The following ITGA9 variants were observed in gnomAD, a reference collection of about 807,000 sequenced individuals.
ITGA9 encodes the protein integrin subunit alpha 9, also known as integrin alpha-9.
ITGA9 carries 56 observed loss-of-function variants against 127.8 expected under a neutral mutation model. The ratio of observed to expected loss-of-function variants is 0.44; its 90% CI spans 0.35 to 0.55. The LOEUF (loss-of-function observed/expected upper bound fraction) is 0.55, where lower values mean the gene tolerates loss of function less well. Ranked by LOEUF, ITGA9 falls within the 20% of genes least tolerant of loss-of-function variation. The pLI, the probability that ITGA9 is intolerant of heterozygous loss-of-function variation, is 0.00. For missense variants in ITGA9, 1,196 were observed against 1,347.1 expected (o/e 0.89, Z 1.76); for synonymous variants, 508 against 514.5 (o/e 0.99, Z 0.17).
At chr3:37,793,270 G>T (rs1289021069) in intron 26 of ITGA9, among the ~76,000 whole-genome samples, 1 of 152,002 alleles carries the variant, frequency 6.6e-6, no homozygotes, top group South Asian at 2.1e-4. Flanking sequence ...ATGGAAAGTT[G>T]TATTCTCAGA....
intron 1 of ITGA9, among the ~76,000 whole-genome samples, chr3:37,454,163 C>G (rs1016811243): frequency 2.0e-5 from 3 of 152,166 alleles, no homozygotes; most frequent in Non-Finnish European, 4.4e-5. Context: ...CCAAGCCAGC[C>G]GGAGCATTGT....
chr3:37,604,408 T>C (rs1699948261), intron 15 of ITGA9, among the ~76,000 whole-genome samples: 1 of 152,260 alleles, frequency 6.6e-6, no homozygotes, highest in Non-Finnish European at 1.5e-5. Flanking sequence ...AAGTGAATTT[T>C]AGAAGCCACA....
intron 15 of ITGA9, among the ~76,000 whole-genome samples, chr3:37,570,364 G>A (rs923652353): frequency 3.9e-5 from 6 of 152,198 alleles, no homozygotes; most frequent in Admixed American, 6.5e-5. Flanking sequence ...TAATGCCGTC[G>A]TTAACTGCAA....
intron 5 of ITGA9, among the ~76,000 whole-genome samples, chr3:37,500,747 C>T (rs1402325258): frequency 6.6e-6 from 1 of 152,220 alleles, no homozygotes; most frequent in Non-Finnish European, 1.5e-5. Flanking sequence ...GGGCTCGTCT[C>T]TGCAGAGGGA....
chr3:37,642,375 A>G (rs1700342087), intron 16 of ITGA9, among the ~76,000 whole-genome samples: 1 of 152,214 alleles, frequency 6.6e-6, no homozygotes, highest in South Asian at 2.1e-4. Flanking sequence ...TTTGCTATTG[A>G]TCCGCAACAC....
At chr3:37,669,117 C>T (rs1383878212) in intron 17 of ITGA9, among the ~76,000 whole-genome samples, 1 of 152,182 alleles carries the variant, frequency 6.6e-6, no homozygotes, top group Non-Finnish European at 1.5e-5. Flanking sequence ...GACTCCATTC[C>T]AGGTGATCTT....
intron 17 of ITGA9, among the ~76,000 whole-genome samples, chr3:37,662,649 T>A (rs538222807): frequency 6.6e-6 from 1 of 152,290 alleles, no homozygotes; most frequent in Admixed American, 6.5e-5. Context: ...ATGAGAGATG[T>A]TGTGCTGATT....
intron 18 of ITGA9, among the ~76,000 whole-genome samples, chr3:37,706,230 C>T (rs74342686): frequency 0.017 from 2,625 of 152,314 alleles, 73 homozygotes; most frequent in African/African-American, 0.059. Flanking sequence ...GCTGTCTCTT[C>T]AAGCTATCAA....
At chr3:37,815,488 A>T (rs1333538081) in intron 27 of ITGA9, among the ~76,000 whole-genome samples, 2 of 152,110 alleles carry the variant, frequency 1.3e-5, no homozygotes, top group African/African-American at 2.4e-5. Flanking sequence ...ACACGCCTGC[A>T]GTCCCAGCTA....
At chr3:37,585,708 C>A in intron 15 of ITGA9, 1 of 498,836 alleles carries the variant, frequency 2.0e-6, no homozygotes, top group Non-Finnish European at 4.0e-6. Context: ...TAGTAATTGC[C>A]TTACTTTATT....
At chr3:37,509,997 G>A (rs1001580071) in intron 8 of ITGA9, among the ~76,000 whole-genome samples, 2 of 150,388 alleles carry the variant, frequency 1.3e-5, no homozygotes, top group Non-Finnish European at 3.0e-5. Context: ...ATGTACCTGG[G>A]TTTGAAAGCC....
At chr3:37,631,656 G>A (rs766286838) in intron 16 of ITGA9, among the ~76,000 whole-genome samples, 3 of 152,188 alleles carry the variant, frequency 2.0e-5, no homozygotes, top group Non-Finnish European at 4.4e-5. Flanking sequence ...GTACATGGAA[G>A]AGCTGGCTTC....
chr3:37,715,527 T>A (rs1701125063), intron 18 of ITGA9, among the ~76,000 whole-genome samples: 1 of 152,170 alleles, frequency 6.6e-6, no homozygotes, highest in Admixed American at 6.5e-5. Flanking sequence ...GTTTGGACAG[T>A]GTGAGAGGCA....
chr3:37,763,268 T>C (rs2125543730), intron 23 of ITGA9, among the ~76,000 whole-genome samples: 1 of 152,032 alleles, frequency 6.6e-6, no homozygotes, highest in Non-Finnish European at 1.5e-5. Flanking sequence ...TTAAACGGAG[T>C]GGTCAGGGAC....
intron 15 of ITGA9, among the ~76,000 whole-genome samples, chr3:37,579,494 C>T (rs1699685785): frequency 6.6e-6 from 1 of 152,124 alleles, no homozygotes; most frequent in Non-Finnish European, 1.5e-5. Flanking sequence ...ATGGAGTTTT[C>T]CTGGAAGCCT....
intron 16 of ITGA9, among the ~76,000 whole-genome samples, chr3:37,649,108 T>A (rs1575180011): frequency 3.3e-5 from 3 of 89,964 alleles, no homozygotes; most frequent in African/African-American, 4.3e-5. Flanking sequence ...AATCAAAACC[T>A]ATCGATACAA....
intron 23 of ITGA9, among the ~76,000 whole-genome samples, chr3:37,772,582 G>C (rs906429374): frequency 1.3e-5 from 2 of 152,018 alleles, no homozygotes; most frequent in African/African-American, 2.4e-5. Flanking sequence ...ACACTTAGAG[G>C]ACCGCCTCCC....
At chr3:37,630,007 T>C (rs771310992) in intron 16 of ITGA9, among the ~76,000 whole-genome samples, 1 of 152,168 alleles carries the variant, frequency 6.6e-6, no homozygotes, top group South Asian at 2.1e-4. Context: ...GTTTCAAATC[T>C]TTTCTTGAAA....
intron 16 of ITGA9, among the ~76,000 whole-genome samples, chr3:37,648,922 A>G (rs1454367276): frequency 6.6e-6 from 1 of 152,164 alleles, no homozygotes; most frequent in Admixed American, 6.5e-5. Context: ...ATAAATAGAT[A>G]TAAACTGAGG....
Sources: gnomAD v4.1 joint callset for allele counts (sites outside exome capture counted in the v4.1 genomes callset) on GRCh38, gnomAD v4.1.1 for gene constraint, MANE v1.5 for transcripts, NCBI Gene and HGNC (gene_info 2026-07-23, HGNC 2026-07-21) for gene names.